The following PEAK1 variants were observed in gnomAD, a reference collection of about 807,000 sequenced individuals.
PEAK1 encodes the protein inactive tyrosine-protein kinase PEAK1.
Under a neutral mutation model 124.7 loss-of-function variants are expected in PEAK1, and 54 were observed. That is an observed-to-expected ratio of 0.43 (90% CI 0.35 to 0.54). The LOEUF is 0.54. PEAK1 is among the 20% of genes least tolerant of loss of function. The pLI, the probability that PEAK1 is intolerant of heterozygous loss-of-function variation, is 0.01. For synonymous variants in PEAK1, 719 were observed against 760.0 expected (o/e 0.95, Z 0.89); for missense variants, 2,046 against 2,134.5 (o/e 0.96, Z 0.82).
chr15:77,316,169 A>C (rs1457888549), intron 2 of PEAK1, among the ~76,000 whole-genome samples: 1 of 152,178 alleles, frequency 6.6e-6, no homozygotes, highest in African/African-American at 2.4e-5. Flanking sequence ...ATATTTTATC[A>C]GTTTTGTTTT....
chr15:77,340,823 C>T (rs1232726423), intron 2 of PEAK1, among the ~76,000 whole-genome samples: 1 of 152,088 alleles, frequency 6.6e-6, no homozygotes. Context: ...AGCTGGACTT[C>T]AGGAGTCTCC....
intron 8 of PEAK1, among the ~76,000 whole-genome samples, chr15:77,136,341 T>C (rs1319787391): frequency 6.6e-6 from 1 of 152,128 alleles, no homozygotes; most frequent in Non-Finnish European, 1.5e-5. Flanking sequence ...TTAAAGGCAT[T>C]CAGTTTTATA....
At chr15:77,118,581 A>C (rs4886851) in intron 9 of PEAK1, among the ~76,000 whole-genome samples, 10,418 of 152,256 alleles carry the variant, frequency 0.068, 559 homozygotes, top group Non-Finnish European at 0.1. Flanking sequence ...CCAGGGATTA[A>C]AGTAACTTCT....
intron 1 of PEAK1, chr15:77,403,420 G>A: frequency 2.2e-6 from 2 of 917,942 alleles, no homozygotes; most frequent in Non-Finnish European, 2.6e-6. Flanking sequence ...ACCATGATAG[G>A]CAATCTTACA....
chr15:77,291,022 G>A (rs2063184581), intron 2 of PEAK1, among the ~76,000 whole-genome samples: 1 of 152,206 alleles, frequency 6.6e-6, no homozygotes, highest in African/African-American at 2.4e-5. Context: ...CAAGGAACAA[G>A]ATGATTAGGA....
chr15:77,114,449 G>A lies in PEAK1; in HGVS notation c.4948C>T (p.Pro1650Ser), dbSNP rs751402215. 12 of 1,613,994 alleles carry A rather than the reference G, an allele frequency of 7.4e-6. No homozygotes were observed. The highest frequency in any genetic ancestry group is 1.0e-5 in the Non-Finnish European group (12 of 1,180,026). Residue 1650 changes from proline to serine, a missense_variant, in exon 10 of 10, where the codon CCT (proline) becomes TCT (serine). By Grantham distance (74) the Pro-to-Ser change is moderately conservative. Coordinates refer to ENST00000682557, the MANE Select transcript of PEAK1 (RefSeq NM_001385026.1). ...TCTGAAATGAGGATCCGCTCAGAAGGGTTGGGATTCAGGAGGCAGCTGGCC... is the reference window on the plus strand; with the variant it reads ...TCTGAAATGAGGATCCGCTCAGAAGAGTTGGGATTCAGGAGGCAGCTGGCC... ...QLASCLLNPN[P>S]SERILISDAK...
intron 2 of PEAK1, among the ~76,000 whole-genome samples, chr15:77,321,180 T>C (rs187060217): frequency 0.01 from 1,561 of 152,300 alleles, 31 homozygotes; most frequent in African/African-American, 0.036. Flanking sequence ...TACCCAGTAA[T>C]GGGATGGCTG....
intron 6 of PEAK1, among the ~76,000 whole-genome samples, chr15:77,246,523 AAAC>A (rs2060596150): frequency 6.6e-6 from 1 of 152,056 alleles, no homozygotes; most frequent in African/African-American, 2.4e-5. Context: ...ACAAACCAAA[AAAC>A]AACTCCAATA....
intron 1 of PEAK1, chr15:77,417,176 T>C (rs921385685): frequency 9.5e-6 from 2 of 209,582 alleles, no homozygotes; most frequent in South Asian, 1.7e-4. Flanking sequence ...TGTCATACTA[T>C]AATTATTGGT....
At chr15:77,369,101 TAAG>T (rs1245187970) in intron 1 of PEAK1, among the ~76,000 whole-genome samples, 3 of 152,188 alleles carry the variant, frequency 2.0e-5, no homozygotes, top group Admixed American at 2.0e-4. Flanking sequence ...TGATAACCAT[TAAG>T]AAGCACTAAA....
chr15:77,293,135 C>T (rs1332624433), intron 2 of PEAK1, among the ~76,000 whole-genome samples: 1 of 152,178 alleles, frequency 6.6e-6, no homozygotes, highest in East Asian at 1.9e-4. Context: ...CCTGAATTAT[C>T]TCTTAAACTT....
At chr15:77,294,514 G>A (rs2063385873) in intron 2 of PEAK1, among the ~76,000 whole-genome samples, 1 of 151,968 alleles carries the variant, frequency 6.6e-6, no homozygotes, top group Non-Finnish European at 1.5e-5. Context: ...CCTGAACCTT[G>A]GTTTACCTAA....
chr15:77,157,899 T>C (rs1218296702), intron 8 of PEAK1: 1 of 152,230 alleles, frequency 6.6e-6, no homozygotes, highest in East Asian at 1.9e-4. Flanking sequence ...AAAAAACAAA[T>C]CTAATTGTGT....
intron 8 of PEAK1, among the ~76,000 whole-genome samples, chr15:77,143,230 T>C (rs2053925620): frequency 6.6e-6 from 1 of 152,104 alleles, no homozygotes; most frequent in African/African-American, 2.4e-5. Context: ...TTGTAATAAG[T>C]CCTAATTTTT....
At chr15:77,198,720 A>G (rs2058223948) in intron 6 of PEAK1, among the ~76,000 whole-genome samples, 2 of 152,264 alleles carry the variant, frequency 1.3e-5, no homozygotes, top group Admixed American at 1.3e-4. Flanking sequence ...TGAGGTCATT[A>G]TATGACAACT....
intron 6 of PEAK1, among the ~76,000 whole-genome samples, chr15:77,242,828 T>G (rs1242584041): frequency 6.6e-6 from 1 of 152,192 alleles, no homozygotes; most frequent in African/African-American, 2.4e-5. Context: ...GCCTCACTTA[T>G]AACACATGAA....
At chr15:77,215,550 C>T (rs1190215571) in intron 6 of PEAK1, among the ~76,000 whole-genome samples, 1 of 152,132 alleles carries the variant, frequency 6.6e-6, no homozygotes, top group Non-Finnish European at 1.5e-5. Flanking sequence ...ATAATTGTTA[C>T]ACTGCACTGT....
intron 2 of PEAK1, among the ~76,000 whole-genome samples, chr15:77,316,014 G>A (rs975703042): frequency 1.3e-5 from 2 of 151,962 alleles, no homozygotes; most frequent in African/African-American, 2.4e-5. Context: ...AATATGATAG[G>A]GTACGTGTGT....
At chr15:77,238,030 AGC>A (rs372996851) in intron 6 of PEAK1, among the ~76,000 whole-genome samples, 2 of 152,122 alleles carry the variant, frequency 1.3e-5, no homozygotes, top group Admixed American at 6.6e-5. Flanking sequence ...GTTTTCTTAT[AGC>A]TTCTGTATTT....
Sources: allele counts gnomAD v4.1 joint callset (sites outside exome capture counted in the v4.1 genomes callset), GRCh38; gene constraint gnomAD v4.1.1; transcripts MANE v1.5; gene names NCBI Gene and HGNC (gene_info 2026-07-23, HGNC 2026-07-21).